OPRM1: variants seen among roughly 807,000 people sequenced by gnomAD.
OPRM1 encodes the protein mu-type opioid receptor.
A neutral mutation model predicts 31.8 loss-of-function variants in OPRM1; 27 were observed. The ratio of observed to expected loss-of-function variants is 0.85; its 90% CI spans 0.63 to 1.17. The LOEUF (loss-of-function observed/expected upper bound fraction) is 1.17, where lower values mean the gene tolerates loss of function less well. Ranked by LOEUF, OPRM1 falls within the 50% of genes most tolerant of loss-of-function variation. The pLI is 0.00. For synonymous variants in OPRM1, 196 were observed against 189.9 expected (o/e 1.03, Z -0.26); for missense variants, 536 against 511.1 (o/e 1.05, Z -0.47).
chr6:154,139,020 A>G (rs1177030821), intron 3 of OPRM1, among the ~76,000 whole-genome samples: 1 of 152,156 alleles, frequency 6.6e-6, no homozygotes, highest in Non-Finnish European at 1.5e-5. Context: ...AAGCCAACCA[A>G]TCAGCACTCC....
chr6:154,223,289 G>C, intron 3 of OPRM1: 6 of 1,366,408 alleles, frequency 4.4e-6, no homozygotes, highest in Non-Finnish European at 6.2e-6. Flanking sequence ...CATCAATCCT[G>C]GGGATTAGTG....
At chr6:154,033,419 G>C (rs1779116568) in intron 1 of OPRM1, among the ~76,000 whole-genome samples, 2 of 152,144 alleles carry the variant, frequency 1.3e-5, no homozygotes, top group Admixed American at 6.5e-5. Context: ...ACCAACGAGA[G>C]TCTTTTATAC....
At position 154,128,676 on chromosome 6, in the gene OPRM1, G is replaced by T. The variant is rs926788854; in HGVS notation, c.*9955G>T. ...TGAAGCAATCATACTGGTTGTTCTCGAACTAGCTGGTTTCCCAGAGACAGC... is the reference window on the plus strand; with the variant it reads ...TGAAGCAATCATACTGGTTGTTCTCTAACTAGCTGGTTTCCCAGAGACAGC... On this transcript the variant is annotated 3_prime_UTR_variant, in exon 4 of 4. Transcript: ENST00000330432. 1.3e-5 allele frequency among the ~76,000 whole-genome samples: 2 copies of T among 152,076 alleles called. No homozygotes were observed. The highest frequency in any genetic ancestry group is 2.9e-5 in the Non-Finnish European group (2 of 68,028).
rs371112293 is a variant in OPRM1, at chr6:154,228,729, ACT to A, written c.1165-17961_1165-17960del. On this transcript the variant is annotated intron_variant, in intron 3 of 3. Transcript: ENST00000337049. The stretch of plus-strand genomic sequence containing the variant: ...TCTAGAGTATTTGTCTCCTTTAAAC[ACT>A]CTGCTCTTGGCCAGATGTGGTGGCT... 1.3e-3 allele frequency among the ~76,000 whole-genome samples: 194 copies of A among 152,020 alleles called. 1 individual carries two copies. Among genetic ancestry groups the A allele is most frequent in the African/African-American group, 4.2e-3 (174 of 41,468 alleles).
chr6:154,070,577 T>C (rs1786491389), intron 1 of OPRM1, among the ~76,000 whole-genome samples: 1 of 152,230 alleles, frequency 6.6e-6, no homozygotes, highest in African/African-American at 2.4e-5. Context: ...AAAAACAGTA[T>C]CTATCTCCAT....
exon 1 of OPRM1, chr6:154,010,733 C>T (rs1441170860): frequency 2.1e-6 from 3 of 1,426,456 alleles, no homozygotes; most frequent in African/African-American, 1.4e-5. Context: ...ATGACTTTGC[C>T]TGCATGAATT....
At chr6:154,225,540 AAATCCAGAGAGACAGAACACAGCT>A (rs1779182949) in intron 3 of OPRM1, among the ~76,000 whole-genome samples, 2 of 152,232 alleles carry the variant, frequency 1.3e-5, no homozygotes, top group Non-Finnish European at 2.9e-5. Context: ...CCAGAAGTGG[AAATCCAGAGAGACAGAACACAGCT>A]AATTGGTAGC....
At chr6:154,091,951 G>C in intron 3 of OPRM1, 1 of 985,964 alleles carries the variant, frequency 1.0e-6, no homozygotes, top group Non-Finnish European at 1.2e-6. Context: ...CAGAAAATTA[G>C]CATCATGGAA....
chr6:154,212,294 C>T (rs757188355), intron 3 of OPRM1, among the ~76,000 whole-genome samples: 3 of 152,174 alleles, frequency 2.0e-5, no homozygotes, highest in Admixed American at 6.5e-5. Context: ...ATACACAAAT[C>T]GCTCCATGTG....
intron 1 of OPRM1, among the ~76,000 whole-genome samples, chr6:154,031,463 G>A (rs1023728894): frequency 4.6e-5 from 7 of 152,224 alleles, no homozygotes; most frequent in South Asian, 4.1e-4. Context: ...GGCTGGGTGC[G>A]GTGGCTCACG....
chr6:154,107,645 C>A (rs752370503), intron 3 of OPRM1: 39 of 718,360 alleles, frequency 5.4e-5, no homozygotes, highest in Non-Finnish European at 9.6e-5. Flanking sequence ...CCTAAAATTC[C>A]TGTTCCCTTG....
At chr6:154,108,417 T>C (rs1206362398) in intron 3 of OPRM1, 1 of 159,586 alleles carries the variant, frequency 6.3e-6, no homozygotes, top group Non-Finnish European at 1.4e-5. Context: ...GGTGAAATGA[T>C]CAAGGAGGCC....
chr6:154,203,273 C>T lies in OPRM1; in HGVS notation c.1165-43420C>T, dbSNP rs187086420. Among the ~76,000 whole-genome samples, 893 of 152,246 alleles carry T rather than the reference C, an allele frequency of 5.9e-3. 10 individuals are homozygous for T. The highest frequency in any genetic ancestry group is 0.021 in the African/African-American group (866 of 41,554). ...CAACCTTCGTGTGTCTGTTCAAACA[C>T]CAACTCCTCCAGGAAGCCTTCTCTG... On this transcript the variant is annotated intron_variant, in intron 3 of 3. Coordinates refer to the OPRM1 transcript ENST00000337049.
At position 154,122,820 on chromosome 6, in the gene OPRM1, C is replaced by T. The variant is rs751721746; in HGVS notation, c.*4099C>T. ...GCAAACAATATTACTGTGTTCTAAGCGCTTCTGTTACTCGAAAGGGGTCTG... is the reference window on the plus strand; with the variant it reads ...GCAAACAATATTACTGTGTTCTAAGTGCTTCTGTTACTCGAAAGGGGTCTG... On this transcript the variant is annotated 3_prime_UTR_variant, in exon 4 of 4. Coordinates refer to ENST00000330432, the MANE Select transcript of OPRM1 (RefSeq NM_000914.5). Among the ~76,000 whole-genome samples the T allele has an allele frequency of 3.3e-5, 5 of 152,094 alleles. No individual in the cohort carries two copies. The highest frequency in any genetic ancestry group is 6.6e-5 in the Admixed American group (1 of 15,262).
upstream of OPRM1, among the ~76,000 whole-genome samples, chr6:154,034,782 A>G (rs1484092075): frequency 2.0e-5 from 3 of 152,168 alleles, no homozygotes; most frequent in Non-Finnish European, 4.4e-5. Flanking sequence ...AACCTCTGTA[A>G]CTGGAAATTG....
chr6:154,231,762 C>A (rs189511411), intron 3 of OPRM1, among the ~76,000 whole-genome samples: 1 of 152,196 alleles, frequency 6.6e-6, no homozygotes. Context: ...AACAGAGATG[C>A]GAAGGAGACT....
chr6:154,053,635 G>T (rs2128419963), intron 1 of OPRM1, among the ~76,000 whole-genome samples: 2 of 152,186 alleles, frequency 1.3e-5, no homozygotes, highest in Middle Eastern at 3.4e-3. Context: ...ATTTCCTTAA[G>T]ACTCACTGAA....
At chr6:154,106,546 T>C (rs1191581324) in intron 3 of OPRM1, among the ~76,000 whole-genome samples, 1 of 152,226 alleles carries the variant, frequency 6.6e-6, no homozygotes, top group African/African-American at 2.4e-5. Context: ...TTACACAACA[T>C]TTCTTGCATA....
At chr6:154,180,396 A>G (rs1800740740) in intron 3 of OPRM1, among the ~76,000 whole-genome samples, 1 of 78,486 alleles carries the variant, frequency 1.3e-5, no homozygotes, top group South Asian at 5.2e-4. Flanking sequence ...CTATATATAT[A>G]TATATATATA....
Sources: allele counts gnomAD v4.1 joint callset (sites outside exome capture counted in the v4.1 genomes callset), GRCh38; gene constraint gnomAD v4.1.1; transcripts MANE v1.5; gene names NCBI Gene and HGNC (gene_info 2026-07-23, HGNC 2026-07-21).